FHIT: variants seen among roughly 807,000 people sequenced by gnomAD.
The protein encoded by FHIT is bis(5'-adenosyl)-triphosphatase.
FHIT carries 19 observed loss-of-function variants against 17.9 expected under a neutral mutation model. The ratio of observed to expected loss-of-function variants is 1.06; its 90% CI spans 0.74 to 1.56. The LOEUF is 1.56. FHIT is among the 40% of genes most tolerant of loss of function. The pLI is 0.00. For missense variants in FHIT, 248 were observed against 189.2 expected (o/e 1.31, Z -1.82); for synonymous variants, 81 against 69.7 (o/e 1.16, Z -0.81).
At chr3:60,034,491 A>G (rs753430124) in intron 5 of FHIT, among the ~76,000 whole-genome samples, 16 of 152,222 alleles carry the variant, frequency 1.1e-4, no homozygotes, top group Non-Finnish European at 1.6e-4. Flanking sequence ...TTTCCCATCA[A>G]TTAGAGGGGA....
At chr3:60,980,321 C>T (rs948784638) in intron 3 of FHIT, among the ~76,000 whole-genome samples, 6 of 152,130 alleles carry the variant, frequency 3.9e-5, no homozygotes, top group Non-Finnish European at 8.8e-5. Context: ...GGGAAAAACA[C>T]CACAAAAAAT....
intron 8 of FHIT, among the ~76,000 whole-genome samples, chr3:59,825,792 T>G (rs983231676): frequency 6.6e-6 from 1 of 152,182 alleles, no homozygotes; most frequent in African/African-American, 2.4e-5. Flanking sequence ...TTGCCCAATC[T>G]ACCCTAGGCC....
rs573761505 is a variant in FHIT at position 60,439,541 on chromosome 3, C to G, written c.103+97319G>C. Among the ~76,000 whole-genome samples the G allele has an allele frequency of 1.0e-3, 159 of 152,136 alleles. 2 individuals are homozygous for G. The highest frequency in any genetic ancestry group is 3.8e-3 in the African/African-American group (157 of 41,540). ...ACGGCCTCGAAGGATTACAGGTGAT[C>G]AGATGGATGACATCCTGAGTCATCA... On this transcript the variant is annotated intron_variant, in intron 5 of 9. Coordinates refer to ENST00000492590, the MANE Select transcript of FHIT (RefSeq NM_002012.4).
chr3:60,272,624 C>T (rs896118842), intron 5 of FHIT, among the ~76,000 whole-genome samples: 1 of 152,166 alleles, frequency 6.6e-6, no homozygotes. Flanking sequence ...AAGTTCTGAA[C>T]ATTAATGAGG....
intron 3 of FHIT, among the ~76,000 whole-genome samples, chr3:60,907,844 C>G (rs1706517988): frequency 6.6e-6 from 1 of 152,160 alleles, no homozygotes; most frequent in South Asian, 2.1e-4. Flanking sequence ...GTTTGCAATA[C>G]TAACTCATTT....
chr3:60,731,742 C>T (rs2042034263), intron 4 of FHIT, among the ~76,000 whole-genome samples: 1 of 152,166 alleles, frequency 6.6e-6, no homozygotes, highest in Admixed American at 6.5e-5. Flanking sequence ...TAGGTTTCTT[C>T]TGTCTGTTGG....
intron 4 of FHIT, among the ~76,000 whole-genome samples, chr3:60,785,934 C>CACACACAGAG (rs139392863): frequency 7.3e-6 from 1 of 137,892 alleles, no homozygotes; most frequent in Non-Finnish European, 1.6e-5. Flanking sequence ...CACACACACA[C>CACACACAGAG]AGAGAGAGTA....
intron 4 of FHIT, chr3:60,617,673 AC>A (rs1271452898): frequency 6.5e-6 from 1 of 153,894 alleles, no homozygotes; most frequent in Non-Finnish European, 1.4e-5. Context: ...CAAATATCAA[AC>A]AGAAGCTGTT....
chr3:60,250,009 C>A (rs764667396), intron 5 of FHIT, among the ~76,000 whole-genome samples: 2 of 152,044 alleles, frequency 1.3e-5, no homozygotes, highest in Non-Finnish European at 2.9e-5. Context: ...ACTGCCCCCA[C>A]GATTTAATTA....
At chr3:59,874,634 T>A (rs1366826418) in intron 8 of FHIT, among the ~76,000 whole-genome samples, 1 of 151,508 alleles carries the variant, frequency 6.6e-6, no homozygotes, top group Non-Finnish European at 1.5e-5. Flanking sequence ...GGGAGGGAGG[T>A]CAGGAGACTT....
At chr3:60,768,031 A>C (rs756054173) in intron 4 of FHIT, among the ~76,000 whole-genome samples, 1 of 152,210 alleles carries the variant, frequency 6.6e-6, no homozygotes, top group Non-Finnish European at 1.5e-5. Flanking sequence ...GAAAAAAATA[A>C]AGCCTACTTT....
At chr3:60,731,943 TTTG>T (rs782219128) in intron 4 of FHIT, among the ~76,000 whole-genome samples, 7 of 152,200 alleles carry the variant, frequency 4.6e-5, no homozygotes, top group Non-Finnish European at 2.9e-5. Context: ...ATTGCATTTT[TTTG>T]TTGTTATTTA....
intron 5 of FHIT, among the ~76,000 whole-genome samples, chr3:60,166,454 G>C (rs1174462137): frequency 6.6e-6 from 1 of 152,142 alleles, no homozygotes; most frequent in Non-Finnish European, 1.5e-5. Flanking sequence ...TCCAATATGT[G>C]TTAAGTGCTC....
intron 4 of FHIT, among the ~76,000 whole-genome samples, chr3:60,676,752 A>G (rs1385389312): frequency 6.6e-6 from 1 of 152,192 alleles, no homozygotes; most frequent in East Asian, 1.9e-4. Context: ...GAAAATCCTC[A>G]TCTATAATCT....
intron 8 of FHIT, among the ~76,000 whole-genome samples, chr3:59,844,994 G>A (rs1168039546): frequency 2.0e-5 from 3 of 152,092 alleles, no homozygotes; most frequent in African/African-American, 7.2e-5. Flanking sequence ...GGTCTATTCA[G>A]TGTTCATGAC....
intron 2 of FHIT, among the ~76,000 whole-genome samples, chr3:61,060,750 G>A (rs1287328491): frequency 6.6e-6 from 1 of 152,248 alleles, no homozygotes; most frequent in Non-Finnish European, 1.5e-5. Context: ...CACTGTCACA[G>A]ATGTATGCGG....
In FHIT at chr3:60,342,898, T is replaced by C. The variant is rs533801346; in HGVS notation, c.103+193962A>G. 4.0e-4 allele frequency among the ~76,000 whole-genome samples: 61 copies of C among 152,258 alleles called. No homozygotes were observed. The South Asian group carries it at 9.1e-3, about 23-fold the overall frequency. On this transcript the variant is annotated intron_variant, in intron 5 of 9. Transcript: ENST00000492590. ...CTCTCATCCAACCTTCCCAAGGAATTTGTCATCACTCTAATCCACAGCTAA... is the reference window on the plus strand; with the variant it reads ...CTCTCATCCAACCTTCCCAAGGAATCTGTCATCACTCTAATCCACAGCTAA...
chr3:61,020,738 C>G (rs1015677704), intron 3 of FHIT, among the ~76,000 whole-genome samples: 12 of 152,044 alleles, frequency 7.9e-5, no homozygotes, highest in African/African-American at 2.4e-4. Flanking sequence ...ATTGGATAAA[C>G]AGTCATGACC....
At chr3:61,053,657 G>A (rs754749741) in intron 2 of FHIT, among the ~76,000 whole-genome samples, 12 of 110,234 alleles carry the variant, frequency 1.1e-4, no homozygotes, top group African/African-American at 1.3e-4. Flanking sequence ...GCAAAACTCC[G>A]TCTCAAGAAA....
Sources: gnomAD v4.1 joint callset for allele counts (sites outside exome capture counted in the v4.1 genomes callset) on GRCh38, gnomAD v4.1.1 for gene constraint, MANE v1.5 for transcripts, NCBI Gene and HGNC (gene_info 2026-07-23, HGNC 2026-07-21) for gene names.